Variants in HPSE2 observed in about 807,000 individuals in gnomAD.
HPSE2 encodes the protein heparanase 2 (inactive), also known as inactive heparanase-2.
In HPSE2, 38 loss-of-function variants were observed where a neutral mutation model predicts 60.5. That is an observed-to-expected ratio of 0.63 (90% CI 0.48 to 0.82). The LOEUF (loss-of-function observed/expected upper bound fraction) is 0.82, where lower values mean the gene tolerates loss of function less well. HPSE2 is among the 40% of genes least tolerant of loss of function. The pLI, the probability that HPSE2 is intolerant of heterozygous loss-of-function variation, is 0.00. For missense variants in HPSE2, 713 were observed against 740.4 expected, an observed-to-expected ratio of 0.96 and a Z score of 0.43; for synonymous variants, 295 against 293.2, an observed-to-expected ratio of 1.01 and a Z score of -0.06.
At chr10:98,694,086 C>T (rs10883161) in intron 5 of HPSE2, 139 bp from the exon 6 acceptor site, 21,509 of 731,084 alleles carry the variant, frequency 0.029, 1,118 homozygotes, top group East Asian at 0.17. Flanking sequence ...TAGCCACAAT[C>T]ATGGCCTAGA....
intron 3 of HPSE2, among the ~76,000 whole-genome samples, chr10:98,845,529 C>T (rs907975309): frequency 3.3e-5 from 5 of 152,174 alleles, no homozygotes; most frequent in African/African-American, 1.2e-4. Context: ...CCTCTACAGG[C>T]CATTTGAAGG....
At chr10:99,111,352 T>C (rs989321710) in intron 3 of HPSE2, among the ~76,000 whole-genome samples, 4 of 152,242 alleles carry the variant, frequency 2.6e-5, no homozygotes, top group Non-Finnish European at 5.9e-5. Flanking sequence ...TTGTATTCTT[T>C]TTCTTAAAGA....
chr10:98,845,099 A>G (rs1952004192), intron 3 of HPSE2, among the ~76,000 whole-genome samples: 2 of 152,246 alleles, frequency 1.3e-5, no homozygotes, highest in South Asian at 4.1e-4. Flanking sequence ...GAAGTTAAGC[A>G]TTGGCTAGGA....
chr10:98,912,833 A>C (rs1397566365), intron 3 of HPSE2, among the ~76,000 whole-genome samples: 1 of 152,194 alleles, frequency 6.6e-6, no homozygotes, highest in Non-Finnish European at 1.5e-5. Flanking sequence ...TGGGTACAAA[A>C]AAAAAATAGT....
At chr10:98,879,279 G>GCC (rs1448030056) in intron 3 of HPSE2, among the ~76,000 whole-genome samples, 1 of 152,020 alleles carries the variant, frequency 6.6e-6, no homozygotes, top group Non-Finnish European at 1.5e-5. Flanking sequence ...TTTCTTACTT[G>GCC]TCTGTATGCT....
chr10:98,511,555 G>GGTGTGTGTGTGTGTGT (rs6144045), intron 9 of HPSE2, among the ~76,000 whole-genome samples: 19 of 140,838 alleles, frequency 1.3e-4, no homozygotes, highest in East Asian at 4.2e-4. Context: ...ACATAACTAT[G>GGTGTGTGTGTGTGTGT]GTGTGTGTGT....
intron 3 of HPSE2, among the ~76,000 whole-genome samples, chr10:99,007,650 G>A (rs1956924215): frequency 6.6e-6 from 1 of 152,106 alleles, no homozygotes; most frequent in Non-Finnish European, 1.5e-5. Context: ...ATAAGAGATG[G>A]CAGGCCAGAT....
intron 3 of HPSE2, among the ~76,000 whole-genome samples, chr10:99,003,814 C>T (rs1313002779): frequency 6.6e-6 from 1 of 151,984 alleles, no homozygotes; most frequent in Admixed American, 6.6e-5. Context: ...TGTGCAGAAA[C>T]TTTTTAGTTT....
At chr10:98,749,641 G>T (rs1383490365) in intron 3 of HPSE2, among the ~76,000 whole-genome samples, 1 of 150,674 alleles carries the variant, frequency 6.6e-6, no homozygotes, top group Non-Finnish European at 1.5e-5. Flanking sequence ...CAACCATTTT[G>T]TTTTTCACTT....
chr10:99,119,045 AAAAG>A (rs1336686620), intron 3 of HPSE2, among the ~76,000 whole-genome samples: 14 of 148,190 alleles, frequency 9.4e-5, no homozygotes, highest in Admixed American at 2.7e-4. Flanking sequence ...GAAAGAAAAG[AAAAG>A]AAAGAAAGAA....
At chr10:98,598,915 G>T (rs754233065) in intron 9 of HPSE2, among the ~76,000 whole-genome samples, 3 of 152,114 alleles carry the variant, frequency 2.0e-5, no homozygotes, top group Middle Eastern at 3.4e-3. Context: ...GTCCACTGGG[G>T]TTGGCTTGGA....
intron 4 of HPSE2, among the ~76,000 whole-genome samples, chr10:98,741,902 G>A (rs1332339988): frequency 6.6e-6 from 1 of 152,156 alleles, no homozygotes; most frequent in African/African-American, 2.4e-5. Flanking sequence ...GGAGAATAAA[G>A]CTAAGTTGGG....
At chr10:99,141,502 C>T (rs924652011) in intron 3 of HPSE2, among the ~76,000 whole-genome samples, 6 of 152,144 alleles carry the variant, frequency 3.9e-5, no homozygotes, top group Non-Finnish European at 7.4e-5. Flanking sequence ...TTAAAAGAAT[C>T]TACTTTTCTA....
chr10:98,769,582 G>A (rs1462396471), intron 3 of HPSE2, among the ~76,000 whole-genome samples: 2 of 152,154 alleles, frequency 1.3e-5, no homozygotes, highest in African/African-American at 4.8e-5. Context: ...CGGGGTGTGG[G>A]TGCTAAATAA....
At chr10:99,060,294 C>T (rs1958208165) in intron 3 of HPSE2, among the ~76,000 whole-genome samples, 1 of 152,052 alleles carries the variant, frequency 6.6e-6, no homozygotes, top group South Asian at 2.1e-4. Flanking sequence ...CAAATAGAAT[C>T]TTTCACTGAT....
chr10:98,695,576 T>C (rs1293830728), intron 5 of HPSE2, among the ~76,000 whole-genome samples: 1 of 152,236 alleles, frequency 6.6e-6, no homozygotes, highest in African/African-American at 2.4e-5. Context: ...AGTTCCATTA[T>C]ATAGATTACC....
intron 3 of HPSE2, among the ~76,000 whole-genome samples, chr10:99,000,028 T>A (rs1014327502): frequency 6.6e-6 from 1 of 151,896 alleles, no homozygotes; most frequent in Admixed American, 6.6e-5. Context: ...TAGGACAGAA[T>A]GGAGAGAAAA....
chr10:98,601,671 C>T (rs564119281), intron 9 of HPSE2, among the ~76,000 whole-genome samples: 1 of 152,368 alleles, frequency 6.6e-6, no homozygotes, highest in South Asian at 2.1e-4. Context: ...GGGAGGAATA[C>T]TGGCTTGTTT....
At chr10:98,948,179 C>T (rs1384458893) in intron 3 of HPSE2, among the ~76,000 whole-genome samples, 1 of 152,118 alleles carries the variant, frequency 6.6e-6, no homozygotes, top group Non-Finnish European at 1.5e-5. Flanking sequence ...GCTGTGAAAG[C>T]CATAGTCCAA....
Sources: allele counts gnomAD v4.1 joint callset (sites outside exome capture counted in the v4.1 genomes callset), GRCh38; gene constraint gnomAD v4.1.1; transcripts MANE v1.5; gene names NCBI Gene and HGNC (gene_info 2026-07-23, HGNC 2026-07-21).